The following ETS1 variants were observed in gnomAD, a reference collection of about 807,000 sequenced individuals.
The protein encoded by ETS1 is protein C-ets-1.
A neutral mutation model predicts 58.6 loss-of-function variants in ETS1; 15 were observed. The observed-to-expected ratio is 0.26, with a 90% confidence interval of 0.17 to 0.39. The LOEUF is 0.39. ETS1 is among the 10% of genes least tolerant of loss of function. The probability of loss-of-function intolerance (pLI) is 1.00; values close to 1 mark genes in which losing one functional copy is unlikely to be tolerated. For synonymous variants in ETS1, 214 were observed against 218.2 expected, an observed-to-expected ratio of 0.98 and a Z score of 0.17; for missense variants, 417 against 610.5, an observed-to-expected ratio of 0.68 and a Z score of 3.34.
chr11:128,509,423 C>T (rs1454819483), intron 3 of ETS1, among the ~76,000 whole-genome samples: 2 of 152,158 alleles, frequency 1.3e-5, no homozygotes, highest in African/African-American at 4.8e-5. Context: ...CACTTCATTC[C>T]TCAATTGTCT....
rs1555076683 is a variant in ETS1 at position 128,489,502 on chromosome 11, G to C, written c.335-12C>G. On this transcript the variant is annotated splice_polypyrimidine_tract_variant and intron_variant, in intron 4 of 9. Transcript: ENST00000392668. Reference sequence around the variant, plus strand: ...CCACTGCCGGGGGTCTGAGGAAAGAGATCAGATGAAGATCCAGCAGGTCGG... The same window carrying C: ...CCACTGCCGGGGGTCTGAGGAAAGACATCAGATGAAGATCCAGCAGGTCGG... 6.2e-7 allele frequency: 1 copy of C among 1,611,540 alleles called. No individual in the cohort carries two copies. Among genetic ancestry groups the C allele is most frequent in the Non-Finnish European group, 8.5e-7 (1 of 1,178,534 alleles).
At chr11:128,522,312 C>T (rs1863703555) in intron 3 of ETS1, 1 of 1,064,262 alleles carries the variant, frequency 9.4e-7, no homozygotes, top group Non-Finnish European at 1.1e-6. Flanking sequence ...CTCGATCTCC[C>T]GGCCGCTCTC....
At chr11:128,476,858 T>TG (rs1862337073) in intron 8 of ETS1, among the ~76,000 whole-genome samples, 1 of 152,266 alleles carries the variant, frequency 6.6e-6, no homozygotes, top group Non-Finnish European at 1.5e-5. Flanking sequence ...AAGCCAACAT[T>TG]GCATTTGATG....
intron 7 of ETS1, among the ~76,000 whole-genome samples, chr11:128,483,861 C>A (rs1004594171): frequency 3.3e-5 from 5 of 152,224 alleles, no homozygotes; most frequent in Non-Finnish European, 2.9e-5. Context: ...CTGACCCAAG[C>A]CCCGCTTGAT....
intron 2 of ETS1, among the ~76,000 whole-genome samples, chr11:128,560,069 A>G (rs78041202): frequency 0.015 from 2,260 of 151,140 alleles, 63 homozygotes; most frequent in African/African-American, 0.052. Context: ...AACATCACAC[A>G]TCTGTTCAGT....
chr11:128,554,503 G>A (rs574731903), intron 3 of ETS1, among the ~76,000 whole-genome samples: 32 of 151,988 alleles, frequency 2.1e-4, no homozygotes, highest in Middle Eastern at 3.4e-3. Context: ...TGTCTCATAG[G>A]CCATGAAATA....
chr11:128,465,844 C>T (rs1862019531), intron 8 of ETS1, among the ~76,000 whole-genome samples: 1 of 152,154 alleles, frequency 6.6e-6, no homozygotes, highest in African/African-American at 2.4e-5. Flanking sequence ...AACTGTTGTG[C>T]TATTTGTTTC....
intron 5 of ETS1, among the ~76,000 whole-genome samples, chr11:128,488,990 A>G (rs1565377568): frequency 6.6e-6 from 1 of 152,218 alleles, no homozygotes; most frequent in African/African-American, 2.4e-5. Flanking sequence ...TGCTTGTTCA[A>G]CCAGGGCATG....
chr11:128,552,060 C>T (rs1333490177), intron 3 of ETS1, among the ~76,000 whole-genome samples: 8 of 152,000 alleles, frequency 5.3e-5, no homozygotes, highest in Admixed American at 3.9e-4. Flanking sequence ...GTCTGGGGTA[C>T]GGCTCGAGAT....
chr11:128,551,084 A>G (rs2135552641), intron 3 of ETS1, among the ~76,000 whole-genome samples: 1 of 152,336 alleles, frequency 6.6e-6, no homozygotes, highest in South Asian at 2.1e-4. Flanking sequence ...AAAGAACCTG[A>G]CACACACCCT....
chr11:128,554,386 G>A (rs766736503), intron 3 of ETS1, among the ~76,000 whole-genome samples: 3 of 152,082 alleles, frequency 2.0e-5, no homozygotes, highest in Admixed American at 6.5e-5. Flanking sequence ...AAAAGCTGGG[G>A]TGACCCCAGC....
intron 3 of ETS1, among the ~76,000 whole-genome samples, chr11:128,521,595 T>A (rs1863671059): frequency 6.6e-6 from 1 of 151,984 alleles, no homozygotes; most frequent in African/African-American, 2.4e-5. Flanking sequence ...GGCCAGAGGG[T>A]TCTCGCTCAT....
chr11:128,488,184 G>C (rs1179921091), intron 5 of ETS1, among the ~76,000 whole-genome samples: 1 of 152,180 alleles, frequency 6.6e-6, no homozygotes, highest in Admixed American at 6.5e-5. Context: ...CTATGAGTGG[G>C]TGTCTGTGCA....
intron 1 of ETS1, among the ~76,000 whole-genome samples, chr11:128,583,690 T>C (rs1194627335): frequency 2.0e-5 from 3 of 152,228 alleles, no homozygotes; most frequent in African/African-American, 4.8e-5. Flanking sequence ...ACCAAAATTC[T>C]GGAGTTTTCT....
intron 9 of ETS1, 65 bp from the exon 10 acceptor site, chr11:128,462,641 A>C (rs1861933318): frequency 2.5e-6 from 3 of 1,205,460 alleles, no homozygotes; most frequent in Non-Finnish European, 3.7e-6. Context: ...CCAAATATAT[A>C]TGTTTCTATG....
chr11:128,576,027 A>G (rs1223707337), intron 1 of ETS1, among the ~76,000 whole-genome samples: 1 of 152,238 alleles, frequency 6.6e-6, no homozygotes, highest in Non-Finnish European at 1.5e-5. Flanking sequence ...GAGTGAGAGA[A>G]GAAAGCTCTG....
intron 3 of ETS1, among the ~76,000 whole-genome samples, chr11:128,532,164 G>GA (rs1291268991): frequency 2.0e-5 from 3 of 152,074 alleles, no homozygotes; most frequent in East Asian, 3.8e-4. Context: ...CAGAATTCTG[G>GA]ACCTAGATAG....
chr11:128,564,984 A>G (rs550254736), intron 2 of ETS1, among the ~76,000 whole-genome samples: 1 of 151,728 alleles, frequency 6.6e-6, no homozygotes, highest in South Asian at 2.1e-4. Flanking sequence ...GCATACAAAT[A>G]CATGAATGAA....
At chr11:128,565,054 AAATAAAAT>A (rs1485003733) in intron 2 of ETS1, among the ~76,000 whole-genome samples, 2 of 150,850 alleles carry the variant, frequency 1.3e-5, no homozygotes, top group African/African-American at 2.4e-5. Flanking sequence ...ATAAATAAAT[AAATAAAAT>A]AAATGTGTTT....
Sources: allele counts gnomAD v4.1 joint callset (sites outside exome capture counted in the v4.1 genomes callset), GRCh38; gene constraint gnomAD v4.1.1; transcripts MANE v1.5; gene names NCBI Gene and HGNC (gene_info 2026-07-23, HGNC 2026-07-21).